The following SMURF2 variants were observed in gnomAD, a reference collection of about 807,000 sequenced individuals.
SMURF2 encodes the protein E3 ubiquitin-protein ligase SMURF2.
A neutral mutation model predicts 109.6 loss-of-function variants in SMURF2; 48 were observed. The ratio of observed to expected loss-of-function variants is 0.44; its 90% CI spans 0.35 to 0.56. SMURF2 has a LOEUF of 0.56. SMURF2 is among the 20% of genes least tolerant of loss of function. SMURF2 has a pLI of 0.01. For missense variants in SMURF2, 575 were observed against 909.0 expected (o/e 0.63, Z 4.72); for synonymous variants, 288 against 317.1 (o/e 0.91, Z 0.97).
chr17:64,584,356 T>C (rs554683367), intron 6 of SMURF2, among the ~76,000 whole-genome samples: 1,496 of 143,840 alleles, frequency 0.01, 15 homozygotes, highest in Non-Finnish European at 0.015. Flanking sequence ...ACTTTCTTTT[T>C]TTTTCTTTTT....
At chr17:64,624,417 T>C (rs1235011098) in intron 1 of SMURF2, among the ~76,000 whole-genome samples, 7 of 142,676 alleles carry the variant, frequency 4.9e-5, no homozygotes, top group African/African-American at 8.0e-5. Context: ...CACTGCAGCC[T>C]CCGCCTCCCA....
At chr17:64,562,999 A>G (rs1555684681) in intron 10 of SMURF2, 33 bp from the exon 11 acceptor site, 1 of 1,533,728 alleles carries the variant, frequency 6.5e-7, no homozygotes, top group Non-Finnish European at 8.8e-7. Context: ...TTATTAAAGT[A>G]TATCAAATTT....
At chr17:64,613,830 TTAC>T (rs1315078339) in intron 1 of SMURF2, among the ~76,000 whole-genome samples, 2 of 151,674 alleles carry the variant, frequency 1.3e-5, no homozygotes, top group Non-Finnish European at 2.9e-5. Flanking sequence ...TCTATTATTA[TTAC>T]ATTGTAATAT....
intron 1 of SMURF2, among the ~76,000 whole-genome samples, chr17:64,619,529 GT>G (rs1267572068): frequency 3.4e-5 from 5 of 146,138 alleles, no homozygotes; most frequent in African/African-American, 1.3e-4. Flanking sequence ...TTGGCAAGAC[GT>G]TTGCCTTAGC....
intron 12 of SMURF2, 89 bp from the exon 13 acceptor site, chr17:64,557,811 ATTAT>A (rs1461684658): frequency 3.0e-6 from 2 of 659,846 alleles, no homozygotes; most frequent in South Asian, 2.3e-5. Context: ...TTAGCAAATA[ATTAT>A]TTAAATTAAT....
At chr17:64,594,665 T>A (rs1253482286) in intron 3 of SMURF2, among the ~76,000 whole-genome samples, 1 of 152,158 alleles carries the variant, frequency 6.6e-6, no homozygotes, top group African/African-American at 2.4e-5. Flanking sequence ...ATTAAGTAGC[T>A]GAATTACCCA....
In SMURF2 at chr17:64,583,481, C is replaced by A; in HGVS notation, c.549G>T (p.Thr183=). The part of the protein sequence containing the change: ...IQYLNHITRT[T]QWERPTRPAS... ...CTTACCGTGTTGGGCGCTCCCATTG[C>A]GTAGTTCTTGTTATATGGTTTAGAT... The change falls in exon 7 of 19, where the codon ACG becomes ACT. Residue 183 remains threonine (T), a synonymous_variant. Coordinates refer to ENST00000262435, the MANE Select transcript of SMURF2 (RefSeq NM_022739.4). 2 of 1,613,744 alleles carry A rather than the reference C, an allele frequency of 1.2e-6. No individual in the cohort carries two copies. Among genetic ancestry groups the A allele is most frequent in the Non-Finnish European group, 1.7e-6 (2 of 1,179,730 alleles).
chr17:64,563,905 C>CT lies in SMURF2; in HGVS notation c.1017-940dup, dbSNP rs1180697808. On this transcript the variant is annotated intron_variant, in intron 10 of 18. Transcript: ENST00000262435. ...TACAGGCACCCAATACCACCCTCAG[C>CT]TTAAAGAAAATTGCTGCTCTTCAAA... is the stretch of plus-strand genomic sequence containing the variant. 8.5e-5 allele frequency among the ~76,000 whole-genome samples: 13 copies of CT among 152,242 alleles called. 1 individual carries two copies. The East Asian group carries it at 2.5e-3, about 29-fold the overall frequency.
chr17:64,596,585 C>CAAAAAAAAAAAAAAAAA (rs201858792), intron 3 of SMURF2, among the ~76,000 whole-genome samples: 29 of 45,390 alleles, frequency 6.4e-4, no homozygotes, highest in South Asian at 1.1e-3. Flanking sequence ...GGAGAGTAAA[C>CAAAAAAAAAAAAAAAAA]AAAAAAAAAA....
chr17:64,631,318 G>GAGAGAGAGAC (rs1568203013), intron 1 of SMURF2, among the ~76,000 whole-genome samples: 2 of 117,538 alleles, frequency 1.7e-5, no homozygotes, highest in Non-Finnish European at 1.6e-5. Context: ...GAGAGAGAGA[G>GAGAGAGAGAC]AGAGAGAGAC....
At chr17:64,621,568 A>G (rs1970202871) in intron 1 of SMURF2, among the ~76,000 whole-genome samples, 1 of 151,064 alleles carries the variant, frequency 6.6e-6, no homozygotes, top group Admixed American at 6.6e-5. Context: ...TGACAGAGCG[A>G]GACTCTGTCT....
chr17:64,643,025 C>A (rs1970511255), intron 1 of SMURF2, among the ~76,000 whole-genome samples: 1 of 151,760 alleles, frequency 6.6e-6, no homozygotes, highest in African/African-American at 2.4e-5. Flanking sequence ...TTGAATTTTA[C>A]CCTTTATTTT....
Position 64,554,915 on chromosome 17 carries a change from T to C in SMURF2, c.1689A>G (p.Glu563=), listed in dbSNP as rs1555683905. 6.2e-7 allele frequency: 1 copy of C among 1,613,448 alleles called. No individual in the cohort carries two copies. Residue 563 remains glutamate, a synonymous_variant, in exon 15 of 19, where the codon GAA becomes GAG. Coordinates refer to ENST00000262435, the MANE Select transcript of SMURF2 (RefSeq NM_022739.4). ...GGATACTTTTGCCATTTGGTTTAAG[T>C]TCATGCTGAATAATTTCACCATATG... is the stretch of plus-strand genomic sequence containing the variant. ...HNAYGEIIQH[E]LKPNGKSIPV...
At chr17:64,560,592 C>A (rs552227905) in intron 12 of SMURF2, among the ~76,000 whole-genome samples, 123 of 152,246 alleles carry the variant, frequency 8.1e-4, no homozygotes, top group African/African-American at 2.9e-3. Flanking sequence ...CAATACAGAG[C>A]TACAGTGTTT....
intron 1 of SMURF2, among the ~76,000 whole-genome samples, chr17:64,610,901 A>C (rs533118696): frequency 2.7e-4 from 41 of 152,266 alleles, no homozygotes; most frequent in African/African-American, 9.4e-4. Context: ...CCTAATTACC[A>C]AGTCCATACA....
chr17:64,560,459 A>G (rs1435518964), intron 12 of SMURF2, among the ~76,000 whole-genome samples: 2 of 152,184 alleles, frequency 1.3e-5, no homozygotes, highest in African/African-American at 2.4e-5. Flanking sequence ...CAGAATGAAA[A>G]TAAGGCTACA....
intron 3 of SMURF2, among the ~76,000 whole-genome samples, chr17:64,594,703 T>TAG (rs1414414111): frequency 6.6e-6 from 1 of 152,102 alleles, no homozygotes; most frequent in African/African-American, 2.4e-5. Flanking sequence ...AAAGTTACAT[T>TAG]AGGCCGGGCG....
At chr17:64,587,255 C>G (rs548220673) in intron 5 of SMURF2, among the ~76,000 whole-genome samples, 1 of 152,086 alleles carries the variant, frequency 6.6e-6, no homozygotes, top group African/African-American at 2.4e-5. Flanking sequence ...AGCAAAAGAG[C>G]AATTCTTGGA....
chr17:64,619,061 T>C (rs1257250346), intron 1 of SMURF2, among the ~76,000 whole-genome samples: 8 of 152,140 alleles, frequency 5.3e-5, no homozygotes, highest in African/African-American at 1.9e-4. Flanking sequence ...ATTAAACAAA[T>C]TGAAACACAG....
Sources: gnomAD v4.1 joint callset for allele counts (sites outside exome capture counted in the v4.1 genomes callset) on GRCh38, gnomAD v4.1.1 for gene constraint, MANE v1.5 for transcripts, NCBI Gene and HGNC (gene_info 2026-07-23, HGNC 2026-07-21) for gene names.